Variants in CCT8 observed in about 807,000 individuals in gnomAD.
CCT8 encodes the protein T-complex protein 1 subunit theta.
In CCT8, 10 loss-of-function variants were observed where a neutral mutation model predicts 65.7. The ratio of observed to expected loss-of-function variants is 0.15; its 90% confidence interval spans 0.09 to 0.26. The LOEUF (loss-of-function observed/expected upper bound fraction) is 0.26. CCT8 is among the 10% of genes least tolerant of loss of function. The pLI is 1.00. For missense variants in CCT8, 568 were observed against 669.1 expected (o/e 0.85, Z 1.67); for synonymous variants, 199 against 221.8 (o/e 0.90, Z 0.92).
chr21:29,064,948 A>C lies in CCT8; in HGVS notation c.762+20T>G. 6.2e-7 allele frequency: 1 copy of C among 1,609,230 alleles called. No homozygotes were observed. Among genetic ancestry groups the C allele is most frequent in the Non-Finnish European group, 8.5e-7 (1 of 1,177,092 alleles). On this transcript the variant is annotated intron_variant, in intron 7 of 14. Coordinates refer to ENST00000286788, the MANE Select transcript of CCT8 (RefSeq NM_006585.4). ...AAGTGCAACCCCAATTATTACTTTT[A>C]AGGTTTGAAGTCTACATACCTTAGT...
chr21:29,072,893 C>G (rs770211366), intron 1 of CCT8, among the ~76,000 whole-genome samples: 1 of 152,246 alleles, frequency 6.6e-6, no homozygotes, highest in African/African-American at 2.4e-5. Flanking sequence ...GACACCACCT[C>G]TTGGTCCAAT....
chr21:29,067,945 T>A (rs1451779667), intron 3 of CCT8, among the ~76,000 whole-genome samples: 1 of 152,208 alleles, frequency 6.6e-6, no homozygotes, highest in African/African-American at 2.4e-5. Flanking sequence ...CCTCTTTTGG[T>A]GGCCTGCACA....
In CCT8 at chr21:29,066,741, T is replaced by C; in HGVS notation, c.599A>G (p.Asp200Gly). 6.2e-7 allele frequency: 1 copy of C among 1,609,222 alleles called. No homozygotes were observed. The highest frequency in any genetic ancestry group is 8.5e-7 in the Non-Finnish European group (1 of 1,177,434). ...CAGAATTTTACAAACTCTGATGTTA[T>C]CAACATTGAAATGGCCGGAATCAGG... ...IFPDSGHFNV[D>G]NIRVCKILGS... The change falls in exon 6 of 15, where the codon GAT becomes GGT. Residue 200 changes from aspartate to glycine, a missense_variant. Asp to Gly is a moderately conservative substitution (Grantham distance 94, BLOSUM62 -1). Transcript: ENST00000286788.
chr21:29,072,236 G>C (rs1400748121), intron 1 of CCT8: 1 of 362,736 alleles, frequency 2.8e-6, no homozygotes. Flanking sequence ...CTCTACTATA[G>C]TGCAGTTTCT....
intron 14 of CCT8, among the ~76,000 whole-genome samples, chr21:29,059,122 T>G (rs2085535487): frequency 6.6e-6 from 1 of 152,218 alleles, no homozygotes; most frequent in South Asian, 2.1e-4. Flanking sequence ...GTTGATACTA[T>G]TTTGGGACCA....
At chr21:29,068,986 T>C (rs539355937) in intron 3 of CCT8, among the ~76,000 whole-genome samples, 3 of 152,340 alleles carry the variant, frequency 2.0e-5, no homozygotes, top group African/African-American at 7.2e-5. Flanking sequence ...AGTATCTATT[T>C]TATAGATTCT....
rs1471121705 is a variant in CCT8, at chr21:29,067,141, T to C, written c.382-70A>G. ...GCTTATTTTGGTAACCCAATGCATA[T>C]GGATGTTTATTTTTGATACAAAATG... On this transcript the variant is annotated intron_variant, in intron 4 of 14. Coordinates refer to ENST00000286788, the MANE Select transcript of CCT8 (RefSeq NM_006585.4). The C allele has an allele frequency of 4.9e-6, 5 of 1,021,756 alleles. No homozygotes were observed. The East Asian group carries it at 7.3e-5, about 15-fold the overall frequency. The allele number at this position is 1,021,756 out of a possible 1,614,324, so 63.3% of individuals were successfully genotyped here.
At chr21:29,060,435 A>G (rs2085550421) in intron 14 of CCT8, 106 bp downstream of exon 14, 1 of 1,200,104 alleles carries the variant, frequency 8.3e-7, no homozygotes, top group East Asian at 2.4e-5. Flanking sequence ...GTGAGGACTA[A>G]GAATCCTTTG....
chr21:29,072,698 TAAC>T (rs889893912), intron 1 of CCT8, among the ~76,000 whole-genome samples: 22 of 152,322 alleles, frequency 1.4e-4, no homozygotes, highest in African/African-American at 5.1e-4. Context: ...TTTCTTGAAT[TAAC>T]AAAATCTGGA....
chr21:29,073,586 G>A lies in CCT8; in HGVS notation c.5C>T (p.Ala2Val). 6.2e-7 allele frequency: 1 copy of A among 1,614,050 alleles called. No homozygotes were observed. MALHVPKAPGFA... is the reference protein window; with the variant it reads MVLHVPKAPGFA... ...GCCCGGAGCCTTGGGAACGTGAAGC[G>A]CCATGGCCAGCCTGCAGGAAGCAGT... The change falls in exon 1 of 15, where the codon GCG (alanine) becomes GTG (valine). Residue 2 changes from alanine (A) to valine (V), a missense_variant. By Grantham distance (64) the Ala-to-Val change is moderately conservative. Coordinates refer to ENST00000286788, the MANE Select transcript of CCT8 (RefSeq NM_006585.4).
chr21:29,066,632 T>G (rs2085625428), intron 6 of CCT8, 84 bp downstream of exon 6: 1 of 204,062 alleles, frequency 4.9e-6, no homozygotes, highest in Admixed American at 6.4e-5. Flanking sequence ...GATGAACACA[T>G]TTTTTTTTTT....
In CCT8 at chr21:29,073,604, G is replaced by T. The variant is rs199681780; in HGVS notation, c.-14C>A. 1 of 1,613,706 alleles carries T rather than the reference G, an allele frequency of 6.2e-7. No individual in the cohort carries two copies. Among genetic ancestry groups the T allele is most frequent in the African/African-American group, 1.3e-5 (1 of 74,936 alleles). On this transcript the variant is annotated 5_prime_UTR_variant, in exon 1 of 15. Transcript: ENST00000286788. The stretch of plus-strand genomic sequence containing the variant: ...GTGAAGCGCCATGGCCAGCCTGCAG[G>T]AAGCAGTTCACGCGACCGCTCGGAA...
In CCT8 at chr21:29,069,402, CT is replaced by C; in HGVS notation, c.231+20del. 2 of 1,452,166 alleles carry C rather than the reference CT, an allele frequency of 1.4e-6. No homozygotes were observed. Among genetic ancestry groups the C allele is most frequent in the East Asian group, 2.4e-5 (1 of 41,904 alleles). The allele number at this position is 1,452,166 out of a possible 1,614,324, so 90.0% of individuals were successfully genotyped here. ...TTGATGTCACCAAAATATTTCTTGA[CT>C]TTTTAAAGAAACAACTTACTTCTAG... On this transcript the variant is annotated intron_variant, in intron 3 of 14. Transcript: ENST00000286788.
At chr21:29,073,391 TCC>T in intron 1 of CCT8, 138 bp downstream of exon 1, 2 of 1,483,350 alleles carry the variant, frequency 1.3e-6, no homozygotes, top group Non-Finnish European at 1.8e-6. Flanking sequence ...CAAAATCACC[TCC>T]CTTTCTGGAA....
rs893762983 is a variant in CCT8, at chr21:29,068,818, T to C, written c.231+605A>G. ...AATGTTGATTCTTCTATCGTTTCAT[T>C]TAAAACAAAAGATTAAGTTCTAGTG... On this transcript the variant is annotated intron_variant, in intron 3 of 14. Transcript: ENST00000286788. Among the ~76,000 whole-genome samples the C allele has an allele frequency of 2.6e-5, 4 of 152,228 alleles. No individual in the cohort carries two copies. In the East Asian group the frequency reaches 7.7e-4, roughly 29 times the overall value.
At chr21:29,062,657 A>AT (rs1338638894) in intron 8 of CCT8, 101 bp from the exon 9 acceptor site, 2 of 869,116 alleles carry the variant, frequency 2.3e-6, no homozygotes, top group Non-Finnish European at 3.6e-6. Context: ...CCCATGTCAC[A>AT]TTCCTTTGAC....
Position 29,061,489 on chromosome 21 carries a change from G to A in CCT8, c.1284+7C>T, listed in dbSNP as rs569435050. On this transcript the variant is annotated splice_region_variant and intron_variant, in intron 12 of 14. Coordinates refer to ENST00000286788, the MANE Select transcript of CCT8 (RefSeq NM_006585.4). The stretch of plus-strand genomic sequence containing the variant: ...AAGAAAGTCAATTTATACAGAAAAA[G>A]CTGTACCTCTCCATATGATGTGATC... 1.7e-4 allele frequency: 281 copies of A among 1,613,596 alleles called. 3 individuals are homozygous for A. In the South Asian group the frequency reaches 2.9e-3, roughly 16 times the overall value.
In CCT8 at chr21:29,067,705, C is replaced by A; in HGVS notation, c.232G>T (p.Val78Leu). Residue 78 changes from valine to leucine, a missense_variant and splice_region_variant, in exon 4 of 15, where the codon GTA becomes TTA. Physicochemically the swap from Val to Leu is conservative, Grantham distance 32. Coordinates refer to ENST00000286788, the MANE Select transcript of CCT8 (RefSeq NM_006585.4). ...DAATILRELE[V>L]QHPAAKMIVM... ...ATCATTTTTGCAGCAGGATGCTGTA[C>A]CTAGTAGAAAAGGTAATATCAAGTT... The A allele has an allele frequency of 7.4e-7, 1 of 1,356,282 alleles. No individual in the cohort carries two copies. Among genetic ancestry groups the A allele is most frequent in the South Asian group, 2.3e-5 (1 of 42,926 alleles). The allele number at this position is 1,356,282 out of a possible 1,614,324, so 84.0% of individuals were successfully genotyped here. A position where few individuals can be genotyped will look rare whatever the true frequency, so the allele number is the denominator to read the frequency against.
chr21:29,060,776 C>T, intron 13 of CCT8, 116 bp from the exon 14 acceptor site: 1 of 1,104,986 alleles, frequency 9.0e-7, no homozygotes, highest in Non-Finnish European at 1.3e-6. Flanking sequence ...CAAGCACAGT[C>T]CTACCTTATA....
Sources: gnomAD v4.1 joint callset for allele counts (sites outside exome capture counted in the v4.1 genomes callset) on GRCh38, gnomAD v4.1.1 for gene constraint, MANE v1.5 for transcripts, NCBI Gene and HGNC (gene_info 2026-07-23, HGNC 2026-07-21) for gene names.